The following TTC6 variants were observed in gnomAD, a reference collection of about 807,000 sequenced individuals.
The protein encoded by TTC6 is tetratricopeptide repeat protein 6.
Under a neutral mutation model 210.4 loss-of-function variants are expected in TTC6, and 172 were observed. That is an observed-to-expected ratio of 0.82 (90% CI 0.72 to 0.93). TTC6 has a LOEUF of 0.93. Ranked by LOEUF, TTC6 falls within the 40% of genes least tolerant of loss-of-function variation. The probability of loss-of-function intolerance (pLI) is 0.00; values close to 1 mark genes in which losing one functional copy is unlikely to be tolerated. For missense variants in TTC6, 2,414 were observed against 2,318.1 expected (o/e 1.04, Z -0.85); for synonymous variants, 804 against 819.6 (o/e 0.98, Z 0.32).
chr14:37,841,556 G>A, exon 30 of TTC6: 1 of 1,606,920 alleles, frequency 6.2e-7, no homozygotes, highest in Non-Finnish European at 8.5e-7. Context: ...AGCAAAAGAA[G>A]ATTTTGCAAA....
exon 3 of TTC6, chr14:37,682,829 A>C (rs1400036653): frequency 6.5e-7 from 1 of 1,535,678 alleles, no homozygotes; most frequent in East Asian, 2.4e-5. Flanking sequence ...TAGAATGGGG[A>C]CCCTCAGAAG....
chr14:37,752,409 A>T (rs1009256225), intron 13 of TTC6, among the ~76,000 whole-genome samples: 1 of 152,036 alleles, frequency 6.6e-6, no homozygotes, highest in Non-Finnish European at 1.5e-5. Flanking sequence ...TCTTTTGAAG[A>T]TGCTGAAATT....
rs923554536 is a variant in TTC6 at position 37,707,135 on chromosome 14, A to G, written c.1571+5609A>G. ...GAAATCTGAAACCAACCTGTTTTTC[A>G]TTTATTTGCATGTAATATTTTTCTC... On this transcript the variant is annotated intron_variant, in intron 5 of 30. Transcript: ENST00000553443. Among the ~76,000 whole-genome samples, 4 of 151,904 alleles carry G rather than the reference A, an allele frequency of 2.6e-5. No homozygotes were observed. The East Asian group carries it at 7.7e-4, about 29-fold the overall frequency.
intron 4 of TTC6, among the ~76,000 whole-genome samples, chr14:37,697,036 T>C (rs961622331): frequency 2.6e-5 from 4 of 152,150 alleles, no homozygotes; most frequent in African/African-American, 7.2e-5. Context: ...TTTTTCTGTT[T>C]TTGACAAATG....
At chr14:37,810,976 A>C (rs2096128378) in intron 24 of TTC6, among the ~76,000 whole-genome samples, 2 of 152,190 alleles carry the variant, frequency 1.3e-5, no homozygotes, top group South Asian at 4.1e-4. Context: ...CCAATTTTGC[A>C]GATGAGGAAG....
Position 37,655,824 on chromosome 14 carries a change from A to G in TTC6, c.940-24327A>G, listed in dbSNP as rs34988952. Among the ~76,000 whole-genome samples the G allele has an allele frequency of 9.1e-3, 1,381 of 152,008 alleles. 12 individuals are homozygous for G. Among genetic ancestry groups the G allele is most frequent in the Non-Finnish European group, 0.011 (768 of 67,990 alleles). ...AAATCAGTCTTCTTTGTAGTCCACA[A>G]TTGAAGGCTACACATCTTTAGACTT... On this transcript the variant is annotated intron_variant, in intron 1 of 30. Transcript: ENST00000553443.
intron 14 of TTC6, among the ~76,000 whole-genome samples, chr14:37,759,638 A>G (rs1029653631): frequency 6.6e-6 from 1 of 152,170 alleles, no homozygotes; most frequent in African/African-American, 2.4e-5. Context: ...AGGTATACCA[A>G]TCAATCGTAG....
exon 30 of TTC6, chr14:37,841,578 G>A (rs1254840481): frequency 6.2e-7 from 1 of 1,607,952 alleles, no homozygotes; most frequent in East Asian, 2.2e-5. Context: ...GTAATTGAAA[G>A]CTGTCCCTTT....
intron 29 of TTC6, among the ~76,000 whole-genome samples, chr14:37,829,900 T>C (rs1014333913): frequency 1.3e-5 from 2 of 152,100 alleles, no homozygotes; most frequent in African/African-American, 4.8e-5. Flanking sequence ...TTATGTATTA[T>C]TTTGTTACCC....
chr14:37,779,236 A>G (rs748503543), intron 14 of TTC6, among the ~76,000 whole-genome samples: 14 of 152,110 alleles, frequency 9.2e-5, no homozygotes, highest in Non-Finnish European at 1.6e-4. Context: ...TCAATGCTTC[A>G]TCTTTGTCCT....
At chr14:37,720,192 A>C (rs555589409) in intron 6 of TTC6, among the ~76,000 whole-genome samples, 1 of 152,180 alleles carries the variant, frequency 6.6e-6, no homozygotes, top group Non-Finnish European at 1.5e-5. Flanking sequence ...CCAAATGCCA[A>C]TAAGGAAGTG....
intron 20 of TTC6, 90 bp downstream of exon 22, chr14:37,797,037 A>G: frequency 8.6e-7 from 1 of 1,168,000 alleles, no homozygotes; most frequent in Non-Finnish European, 1.1e-6. Flanking sequence ...TTTTCACAAA[A>G]TTAAGTCATA....
intron 1 of TTC6, among the ~76,000 whole-genome samples, chr14:37,661,272 C>T (rs2095736820): frequency 6.6e-6 from 1 of 152,132 alleles, no homozygotes; most frequent in Admixed American, 6.5e-5. Flanking sequence ...ATGCCTATGT[C>T]CTGAATGGTA....
At chr14:37,648,156 A>G (rs2095704978) in intron 1 of TTC6, among the ~76,000 whole-genome samples, 1 of 152,144 alleles carries the variant, frequency 6.6e-6, no homozygotes, top group Non-Finnish European at 1.5e-5. Flanking sequence ...TTCTTGTTTA[A>G]TACAGTTGGT....
intron 5 of TTC6, among the ~76,000 whole-genome samples, chr14:37,710,910 T>C (rs2095843640): frequency 6.6e-6 from 1 of 152,090 alleles, no homozygotes; most frequent in Non-Finnish European, 1.5e-5. Flanking sequence ...TTCTTATGAT[T>C]AGGCTGTTTT....
intron 1 of TTC6, among the ~76,000 whole-genome samples, chr14:37,661,168 T>C (rs1295382819): frequency 6.6e-6 from 1 of 152,250 alleles, no homozygotes; most frequent in Non-Finnish European, 1.5e-5. Context: ...TTTCTTTTGC[T>C]GTGCATAAGC....
At chr14:37,679,195 A>G (rs1324325175) in intron 1 of TTC6, among the ~76,000 whole-genome samples, 2 of 152,098 alleles carry the variant, frequency 1.3e-5, no homozygotes, top group Non-Finnish European at 1.5e-5. Flanking sequence ...GCATTCCAGC[A>G]TGGGTGACAG....
chr14:37,729,078 G>C (rs1363682434), intron 7 of TTC6, among the ~76,000 whole-genome samples: 1 of 151,858 alleles, frequency 6.6e-6, no homozygotes, highest in African/African-American at 2.4e-5. Context: ...TAAAATACTT[G>C]AATATATATA....
chr14:37,803,079 G>A (rs1180436279), intron 20 of TTC6, among the ~76,000 whole-genome samples: 1 of 151,998 alleles, frequency 6.6e-6, no homozygotes. Context: ...ACTCAGTATG[G>A]ATCATGTCTA....
Sources: gnomAD v4.1 joint callset for allele counts (sites outside exome capture counted in the v4.1 genomes callset) on GRCh38, gnomAD v4.1.1 for gene constraint, MANE v1.5 for transcripts, NCBI Gene and HGNC (gene_info 2026-07-23, HGNC 2026-07-21) for gene names.